The following ZC3H18 variants were observed in gnomAD, a reference collection of about 807,000 sequenced individuals.
The protein encoded by ZC3H18 is zinc finger CCCH-type containing 18, also known as zinc finger CCCH domain-containing protein 18.
ZC3H18 carries 8 observed loss-of-function variants against 106.1 expected under a neutral mutation model. The ratio of observed to expected loss-of-function variants is 0.08; its 90% CI spans 0.04 to 0.14. ZC3H18 has a LOEUF of 0.14. ZC3H18 is among the 10% of genes least tolerant of loss of function. ZC3H18 has a pLI of 1.00. For synonymous variants in ZC3H18, 635 were observed against 522.1 expected, an observed-to-expected ratio of 1.22 and a Z score of -2.95; for missense variants, 1,318 against 1,278.4, an observed-to-expected ratio of 1.03 and a Z score of -0.47.
intron 8 of ZC3H18, among the ~76,000 whole-genome samples, chr16:88,617,403 C>G (rs992745914): frequency 6.6e-6 from 1 of 152,258 alleles, no homozygotes; most frequent in African/African-American, 2.4e-5. Context: ...CAGAACCTTT[C>G]AATCAATTCT....
intron 3 of ZC3H18, among the ~76,000 whole-genome samples, chr16:88,596,716 G>A (rs1904458218): frequency 1.3e-5 from 2 of 152,132 alleles, no homozygotes; most frequent in South Asian, 4.1e-4. Flanking sequence ...TCTGTACTTG[G>A]ACATTTTTTA....
At chr16:88,580,156 C>CTGTGTGTGTGTGTGTGTG (rs56406234) in intron 2 of ZC3H18, among the ~76,000 whole-genome samples, 2 of 126,844 alleles carry the variant, frequency 1.6e-5, no homozygotes, top group African/African-American at 6.2e-5. Context: ...ACAGGTTCAT[C>CTGTGTGTGTGTGTGTGTG]TGTGTGTGTG....
At chr16:88,574,815 A>G (rs1445206189) in intron 1 of ZC3H18, among the ~76,000 whole-genome samples, 1 of 139,134 alleles carries the variant, frequency 7.2e-6, no homozygotes, top group African/African-American at 2.7e-5. Context: ...CACCTGACCA[A>G]TTTGTTCTAA....
At chr16:88,618,462 C>T (rs966726186) in intron 8 of ZC3H18, among the ~76,000 whole-genome samples, 1 of 152,224 alleles carries the variant, frequency 6.6e-6, no homozygotes, top group African/African-American at 2.4e-5. Context: ...AAGAAAGAAC[C>T]TTCATGCGTT....
chr16:88,576,988 TGG>T, intron 1 of ZC3H18, 120 bp from the exon 2 acceptor site: 1 of 954,494 alleles, frequency 1.0e-6, no homozygotes, highest in Non-Finnish European at 1.5e-6. Context: ...GTGTGGGATT[TGG>T]GGCAGGGCCG....
At chr16:88,608,766 C>G (rs956550708) in intron 6 of ZC3H18, 168 bp from the exon 7 acceptor site, 57 of 562,040 alleles carry the variant, frequency 1.0e-4, no homozygotes, top group Non-Finnish European at 1.7e-4. Context: ...CTGGCCTGCT[C>G]TTAGATGTAG....
chr16:88,594,920 G>A (rs111801461), intron 3 of ZC3H18, among the ~76,000 whole-genome samples: 202 of 152,346 alleles, frequency 1.3e-3, no homozygotes, highest in African/African-American at 4.7e-3. Context: ...GGGAGGCCGA[G>A]GCGGGCGGAT....
chr16:88,604,264 AT>A (rs941748616), intron 6 of ZC3H18, among the ~76,000 whole-genome samples: 2 of 151,880 alleles, frequency 1.3e-5, no homozygotes, highest in Admixed American at 6.6e-5. Context: ...AGGTGGGAGA[AT>A]CTCTTGAGCC....
chr16:88,631,313 C>G lies in ZC3H18; in HGVS notation c.*14C>G. The G allele has an allele frequency of 6.4e-7, 1 of 1,559,866 alleles. No homozygotes were observed. Among genetic ancestry groups the G allele is most frequent in the Middle Eastern group, 1.7e-4 (1 of 5,996 alleles). ...GGGAAAGCATAGGCCGTGCCCCGAC[C>G]GGACTGGACGCATTTTTATACATAG... On this transcript the variant is annotated 3_prime_UTR_variant, in exon 18 of 18. Transcript: ENST00000301011.
At chr16:88,613,809 A>G (rs2142759270) in intron 8 of ZC3H18, among the ~76,000 whole-genome samples, 1 of 152,272 alleles carries the variant, frequency 6.6e-6, no homozygotes, top group South Asian at 2.1e-4. Flanking sequence ...CATGTAAGAT[A>G]CCATTGACTA....
chr16:88,572,277 C>G (rs747110001), intron 1 of ZC3H18, among the ~76,000 whole-genome samples: 2 of 152,206 alleles, frequency 1.3e-5, no homozygotes, highest in African/African-American at 2.4e-5. Context: ...AGGGGCTGCT[C>G]GGAAGGGAGG....
rs751966805 is a variant in ZC3H18 at position 88,624,643 on chromosome 16, C to T, written c.1940C>T (p.Pro647Leu). 11 of 1,613,984 alleles carry T rather than the reference C, an allele frequency of 6.8e-6. No individual in the cohort carries two copies. The highest frequency in any genetic ancestry group is 9.3e-6 in the Non-Finnish European group (11 of 1,180,002). ...AAGCCGGCCCCGCCTCCAGCCCCAC[C>T]ACAGGCCACCAAAACCACTGCTCCT... ...VKKPAPPPAP[P>L]QATKTTAPVP... Residue 647 changes from proline (P) to leucine (L), a missense_variant, in exon 12 of 18, where the codon CCA (proline) becomes CTA (leucine). Pro to Leu is a moderately conservative substitution (Grantham distance 98). This residue lies in a region of ZC3H18 where 848 missense variants were observed against 821.7 expected (regional missense o/e 1.03). Coordinates refer to ENST00000301011, the MANE Select transcript of ZC3H18 (RefSeq NM_144604.4).
chr16:88,623,087 G>A lies in ZC3H18; in HGVS notation c.1668-132G>A, dbSNP rs571246533. On this transcript the variant is annotated intron_variant, in intron 9 of 17. Transcript: ENST00000301011. ...TCTGTGCGCGCGTCTGCAGCTGTGC[G>A]CGCGTGCGCAGCTGTGCGCTTGTGT... The A allele has an allele frequency of 9.7e-5, 126 of 1,303,524 alleles. No individual in the cohort carries two copies. In the Middle Eastern group the frequency reaches 1.0e-3, roughly 11 times the overall value. 80.7% of individuals were successfully genotyped at this position (1,303,524 alleles called of 1,614,324 possible).
At chr16:88,606,933 C>T (rs982271210) in intron 6 of ZC3H18, among the ~76,000 whole-genome samples, 5 of 152,138 alleles carry the variant, frequency 3.3e-5, no homozygotes, top group South Asian at 4.1e-4. Flanking sequence ...CCAGTCTACC[C>T]GAAGCAGAGG....
chr16:88,627,836 C>A lies in ZC3H18; in HGVS notation c.2269+54C>A. On this transcript the variant is annotated intron_variant, in intron 14 of 17. Transcript: ENST00000301011. This position sits in a 1 kb window ranked among gnomAD's most constrained non-coding sequence, Gnocchi z 4.5. ...AGCAGCTCCCGGGGGAGGAGGGCGG[C>A]ATCAGCACAGACTTTGCCTGGCTGT... 6.2e-7 allele frequency: 1 copy of A among 1,611,244 alleles called. No individual in the cohort carries two copies. Among genetic ancestry groups the A allele is most frequent in the Non-Finnish European group, 8.5e-7 (1 of 1,178,108 alleles).
At chr16:88,574,102 T>A (rs1268109731) in intron 1 of ZC3H18, among the ~76,000 whole-genome samples, 1 of 152,118 alleles carries the variant, frequency 6.6e-6, no homozygotes, top group Non-Finnish European at 1.5e-5. Flanking sequence ...CCTGAACTCC[T>A]GACCTCAGGT....
In ZC3H18 at chr16:88,622,340, G is replaced by A; in HGVS notation, c.1619G>A (p.Arg540Lys). ...TCGGTCTCCCCGAGCCGGGCTCGAAGGCGTCGGAAAACATCAGCCTCGTCA... is the reference window on the plus strand; with the variant it reads ...TCGGTCTCCCCGAGCCGGGCTCGAAAGCGTCGGAAAACATCAGCCTCGTCA... Reference protein sequence around the residue: ...GVSVSPSRARRRRKTSASSAS... With the variant: ...GVSVSPSRARKRRKTSASSAS... The change falls in exon 9 of 18, where the codon AGG becomes AAG. Residue 540 changes from arginine to lysine, a missense_variant. Coordinates refer to ENST00000301011, the MANE Select transcript of ZC3H18 (RefSeq NM_144604.4). 1 of 1,613,668 alleles carries A rather than the reference G, an allele frequency of 6.2e-7. No homozygotes were observed. The highest frequency in any genetic ancestry group is 8.5e-7 in the Non-Finnish European group (1 of 1,179,794).
intron 1 of ZC3H18, among the ~76,000 whole-genome samples, chr16:88,572,947 A>G (rs1160829881): frequency 1.3e-5 from 2 of 151,842 alleles, no homozygotes; most frequent in Non-Finnish European, 2.9e-5. Context: ...TAGTAGAGAC[A>G]GGGGTTTCAC....
chr16:88,628,791 C>G lies in ZC3H18; in HGVS notation c.2503C>G (p.Pro835Ala). Residue 835 changes from proline (P) to alanine (A), a missense_variant, in exon 16 of 18, where the codon CCA (proline) becomes GCA (alanine). Pro to Ala is a conservative substitution (Grantham distance 27, BLOSUM62 -1). Coordinates refer to ENST00000301011, the MANE Select transcript of ZC3H18 (RefSeq NM_144604.4). Reference sequence around the variant, plus strand: ...TAAAGGAAGCAGGAAGCGCTATGAACCATCAGACAAGGACAGGCAGAGCCC... The same window carrying G: ...TAAAGGAAGCAGGAAGCGCTATGAAGCATCAGACAAGGACAGGCAGAGCCC... ...ADKGSRKRYE[P>A]SDKDRQSPPP... 3 of 1,614,128 alleles carry G rather than the reference C, an allele frequency of 1.9e-6. No individual in the cohort carries two copies.
Sources: gnomAD v4.1 joint callset for allele counts (sites outside exome capture counted in the v4.1 genomes callset) on GRCh38, gnomAD v4.1.1 for gene constraint, gnomAD v4.1.1 regional missense constraint, Gnocchi (gnomAD v3.1) non-coding constraint, MANE v1.5 for transcripts, NCBI Gene and HGNC (gene_info 2026-07-23, HGNC 2026-07-21) for gene names.